The following PABIR3 variants were observed in gnomAD, a reference collection of about 807,000 sequenced individuals.
The protein encoded by PABIR3 is PABIR family member 1.
In PABIR3, 20 loss-of-function variants were observed where a neutral mutation model predicts 23.1. That is an observed-to-expected ratio of 0.86 (90% CI 0.61 to 1.26). The LOEUF (loss-of-function observed/expected upper bound fraction) is 1.26, where lower values mean the gene tolerates loss of function less well. PABIR3 is among the 50% of genes most tolerant of loss of function. The pLI is 0.00. For missense variants in PABIR3, 189 were observed against 195.4 expected (o/e 0.97, Z 0.20); for synonymous variants, 69 against 68.5 (o/e 1.01, Z -0.04).
chrX:134,856,968 C>T (rs963771576), downstream of PABIR3, among the ~76,000 whole-genome samples: 1 of 110,965 alleles, frequency 9.0e-6, no homozygotes, highest in Non-Finnish European at 1.9e-5. Flanking sequence ...GCCGAGATCA[C>T]GCCACTGCAC....
chrX:134,861,601 G>C, the PABIR3 span, among the ~76,000 whole-genome samples: 1 of 104,933 alleles, frequency 9.5e-6, no homozygotes, highest in African/African-American at 3.5e-5. Flanking sequence ...GTGAACCCAG[G>C]AGGCGGAGCT....
intron 1 of PABIR3, among the ~76,000 whole-genome samples, chrX:134,802,046 A>C (rs1427974444): frequency 9.7e-6 from 1 of 103,563 alleles, no homozygotes; most frequent in African/African-American, 3.5e-5. Flanking sequence ...CACCAGGAAG[A>C]GGGCTCAACT....
chrX:134,808,474 G>A (rs935048359), intron 2 of PABIR3, among the ~76,000 whole-genome samples: 1 of 111,705 alleles, frequency 9.0e-6, no homozygotes, highest in African/African-American at 3.3e-5. Context: ...TCCACCTCCC[G>A]GGTTCACGCC....
intron 4 of PABIR3, chrX:134,835,638 T>C (rs1411418538): frequency 9.0e-6 from 1 of 111,296 alleles, no homozygotes; most frequent in East Asian, 2.8e-4. Flanking sequence ...AATTTTCCTT[T>C]CTAATAAAAA....
chrX:134,849,695 T>C (rs1480436211), intron 9 of PABIR3, among the ~76,000 whole-genome samples: 1 of 109,919 alleles, frequency 9.1e-6, no homozygotes, highest in Non-Finnish European at 1.9e-5. Context: ...CTTTGGTGTT[T>C]AGTTTCTTTA....
chrX:134,851,144 GAA>G (rs1389355739), intron 9 of PABIR3, among the ~76,000 whole-genome samples: 1 of 110,836 alleles, frequency 9.0e-6, no homozygotes, highest in Non-Finnish European at 1.9e-5. Context: ...GAACTAAAAA[GAA>G]TGATGATTAT....
chrX:134,849,232 C>CT lies in PABIR3; in HGVS notation c.589+8dup. 1 of 844,415 alleles carries CT rather than the reference C, an allele frequency of 1.2e-6. No homozygotes were observed. The highest frequency in any genetic ancestry group is 1.5e-6 in the Non-Finnish European group (1 of 657,355). The allele number at this position is 844,415 out of a possible 1,213,427, so 69.6% of individuals were successfully genotyped here. A position where few individuals can be genotyped will look rare whatever the true frequency, so the allele number is the denominator to read the frequency against. On this transcript the variant is annotated splice_donor_region_variant and intron_variant, in intron 9 of 10. Transcript: ENST00000645433. ...CTTGGACCATTAAAAAGAAAAGGTACTTTTATCTAACAGTAGAAGTAAATA... is the reference window on the plus strand; with the variant it reads ...CTTGGACCATTAAAAAGAAAAGGTACTTTTTATCTAACAGTAGAAGTAAATA...
intron 2 of PABIR3, among the ~76,000 whole-genome samples, chrX:134,812,645 C>T (rs760918359): frequency 9.0e-6 from 1 of 110,740 alleles, no homozygotes; most frequent in Non-Finnish European, 1.9e-5. Context: ...TAGGGGAATT[C>T]AAAGAAGGAA....
At position 134,825,135 on chromosome X, in the gene PABIR3, A is replaced by T. The variant is rs758043255; in HGVS notation, c.190-4091A>T. On this transcript the variant is annotated intron_variant, in intron 3 of 10. Transcript: ENST00000645433. ...TCTGTTCAATTTCGCTGTGAACTGA[A>T]GAGTGCTCTAAAAAATAAAATATAT... is the stretch of plus-strand genomic sequence containing the variant. Among the ~76,000 whole-genome samples, 31 of 112,082 alleles carry T rather than the reference A, an allele frequency of 2.8e-4. 1 individual carries two copies. Among genetic ancestry groups the T allele is most frequent in the African/African-American group, 9.7e-4 (30 of 30,891 alleles).
upstream of PABIR3, among the ~76,000 whole-genome samples, chrX:134,805,696 G>A (rs753960980): frequency 9.9e-5 from 11 of 110,898 alleles, no homozygotes; most frequent in Admixed American, 4.8e-4. Context: ...TCGGGAGTTC[G>A]AGACCAGCCT....
At chrX:134,844,402 G>A (rs949117129) in intron 4 of PABIR3, among the ~76,000 whole-genome samples, 18 of 110,014 alleles carry the variant, frequency 1.6e-4, no homozygotes, top group Admixed American at 1.6e-3. Flanking sequence ...GGTAAGGGGC[G>A]CATTGCATCT....
chrX:134,815,080 A>C (rs1307764925), intron 3 of PABIR3, among the ~76,000 whole-genome samples: 1 of 112,107 alleles, frequency 8.9e-6, no homozygotes, highest in Non-Finnish European at 1.9e-5. Flanking sequence ...CTGAAGGAAA[A>C]ATAAACACAT....
intron 2 of PABIR3, chrX:134,811,198 G>C (rs1172734400): frequency 5.5e-6 from 4 of 723,823 alleles, no homozygotes; most frequent in Non-Finnish European, 6.5e-6. Context: ...TGAACCTCTT[G>C]GTTCTTTATA....
intron 3 of PABIR3, chrX:134,821,654 C>T: frequency 2.8e-6 from 3 of 1,084,902 alleles, no homozygotes; most frequent in Non-Finnish European, 2.4e-6. Flanking sequence ...TTTTGCTTTT[C>T]CTATTGGCAA....
rs1435516483 is a variant in PABIR3, at chrX:134,854,102, C to A, written c.698C>A (p.Ala233Asp). 2 of 1,210,388 alleles carry A rather than the reference C, an allele frequency of 1.7e-6. No homozygotes were observed. Among genetic ancestry groups the A allele is most frequent in the African/African-American group, 3.5e-5 (2 of 57,821 alleles). ...TTTTCTTCTTCTAGTCTACTTCCAG[C>A]TACTTTTGATGGAAACGACAGCAAT... ...LSENNVYLLP[A>D]TFDGNDSNAG... The change falls in exon 11 of 11, where the codon GCT becomes GAT. Residue 233 changes from alanine to aspartate, a missense_variant. Physicochemically the swap from Ala to Asp is moderately radical, Grantham distance 126. Coordinates refer to ENST00000645433, the MANE Select transcript of PABIR3 (RefSeq NM_001388447.1).
chrX:134,834,494 G>A (rs1444471125), intron 4 of PABIR3, among the ~76,000 whole-genome samples: 1 of 111,974 alleles, frequency 8.9e-6, no homozygotes, highest in African/African-American at 3.2e-5. Flanking sequence ...CTTTTGCTGT[G>A]CAGAAGTTCT....
chrX:134,852,906 A>G lies in PABIR3; in HGVS notation c.686+10A>G, dbSNP rs1011053150. 18 of 1,072,345 alleles carry G rather than the reference A, an allele frequency of 1.7e-5. No individual in the cohort carries two copies. The African/African-American group carries it at 3.0e-4, about 18-fold the overall frequency. 88.4% of individuals were successfully genotyped at this position (1,072,345 alleles called of 1,213,427 possible). A position where few individuals can be genotyped will look rare whatever the true frequency, so the allele number is the denominator to read the frequency against. ...CAGAAAATAATGTGTAGTGAGTATT[A>G]ACATGAGATTTTAAACATTCATTGA... On this transcript the variant is annotated intron_variant, in intron 10 of 10. Transcript: ENST00000645433.
At chrX:134,797,896 T>C (rs747684669) in intron 1 of PABIR3, among the ~76,000 whole-genome samples, 2 of 105,327 alleles carry the variant, frequency 1.9e-5, no homozygotes, top group South Asian at 4.4e-4. Flanking sequence ...CACTGCAACC[T>C]CTGCCCCACC....
chrX:134,806,973 T>TA (rs1383187390), upstream of PABIR3, among the ~76,000 whole-genome samples: 1 of 111,248 alleles, frequency 9.0e-6, no homozygotes, highest in Non-Finnish European at 1.9e-5. Flanking sequence ...CATTTCTAAA[T>TA]AATGCTTAAG....
Sources: allele counts gnomAD v4.1 joint callset (sites outside exome capture counted in the v4.1 genomes callset), GRCh38; gene constraint gnomAD v4.1.1; transcripts MANE v1.5; gene names NCBI Gene and HGNC (gene_info 2026-07-23, HGNC 2026-07-21).